KIAA2012: variants seen among roughly 807,000 people sequenced by gnomAD.
The protein encoded by KIAA2012 is uncharacterized protein KIAA2012.
Under a neutral mutation model 150.6 loss-of-function variants are expected in KIAA2012, and 125 were observed. The observed-to-expected ratio is 0.83, with a 90% CI of 0.72 to 0.96. The LOEUF (loss-of-function observed/expected upper bound fraction) is 0.96, where lower values mean the gene tolerates loss of function less well. Among genes scored for constraint, KIAA2012 ranks in the 40% least tolerant of loss-of-function variants. KIAA2012 has a pLI of 0.00. For missense variants in KIAA2012, 1,219 were observed against 1,354.9 expected (o/e 0.90, Z 1.57); for synonymous variants, 462 against 504.7 (o/e 0.92, Z 1.13).
chr2:202,123,368 GTCTCCAAGGTCCCTAC>G (rs1690702910), intron 11 of KIAA2012, among the ~76,000 whole-genome samples: 1 of 152,144 alleles, frequency 6.6e-6, no homozygotes, highest in South Asian at 2.1e-4. Flanking sequence ...CAGAGTGTCT[GTCTCCAAGGTCCCTAC>G]TCAATAATTA....
rs567250550 is a variant in KIAA2012 at position 202,162,892 on chromosome 2, T to G, written c.2047-2392T>G. Among the ~76,000 whole-genome samples the G allele has an allele frequency of 3.8e-5, 5 of 132,744 alleles. No individual in the cohort carries two copies. The South Asian group carries it at 9.8e-4, about 26-fold the overall frequency. The allele number at this position is 132,744 out of a possible 152,430, so 87.1% of individuals were successfully genotyped here. A position where few individuals can be genotyped will look rare whatever the true frequency, so the allele number is the denominator to read the frequency against. ...TTGCAGTGAGCTGAGATCGCACCACTGCACTCCAGCCTGGCAACAGAGCGA... is the reference window on the plus strand; with the variant it reads ...TTGCAGTGAGCTGAGATCGCACCACGGCACTCCAGCCTGGCAACAGAGCGA... On this transcript the variant is annotated intron_variant, in intron 14 of 23. Coordinates refer to ENST00000498697, the MANE Select transcript of KIAA2012 (RefSeq NM_001277372.4).
At chr2:202,117,465 C>T (rs2105932484) in intron 11 of KIAA2012, among the ~76,000 whole-genome samples, 1 of 152,278 alleles carries the variant, frequency 6.6e-6, no homozygotes, top group African/African-American at 2.4e-5. Flanking sequence ...TAGCCCATCT[C>T]TTAGTAGCTG....
At chr2:202,177,152 CTTA>C (rs769055916) in intron 15 of KIAA2012, among the ~76,000 whole-genome samples, 5 of 151,876 alleles carry the variant, frequency 3.3e-5, no homozygotes, top group African/African-American at 1.2e-4. Flanking sequence ...TCCCAAAAGA[CTTA>C]TTAAGGGTTT....
chr2:202,195,771 A>C (rs143513464), intron 21 of KIAA2012, among the ~76,000 whole-genome samples: 8 of 152,244 alleles, frequency 5.3e-5, no homozygotes, highest in African/African-American at 1.9e-4. Flanking sequence ...ATGAGTAAAA[A>C]TGTGTTATTT....
chr2:202,171,716 G>C (rs1574304956), intron 15 of KIAA2012, among the ~76,000 whole-genome samples: 1 of 152,296 alleles, frequency 6.6e-6, no homozygotes, highest in Non-Finnish European at 1.5e-5. Context: ...ATAGTCCCTG[G>C]GGAGAAGGCA....
chr2:202,078,512 C>A (rs1025377603), intron 2 of KIAA2012, among the ~76,000 whole-genome samples: 2 of 152,122 alleles, frequency 1.3e-5, no homozygotes, highest in Non-Finnish European at 2.9e-5. Context: ...TGGTCTCGAA[C>A]TCCTAGGTTC....
chr2:202,097,326 G>T, intron 4 of KIAA2012, 109 bp from the exon 5 acceptor site: 1 of 1,481,664 alleles, frequency 6.7e-7, no homozygotes, highest in Non-Finnish European at 9.0e-7. Flanking sequence ...GCAAGGGAGG[G>T]CCTTGAGCAC....
intron 14 of KIAA2012, among the ~76,000 whole-genome samples, chr2:202,163,288 G>T (rs1214453169): frequency 6.6e-6 from 1 of 151,608 alleles, no homozygotes; most frequent in Non-Finnish European, 1.5e-5. Context: ...ATTTTTAGTA[G>T]ATACAGGTTT....
At chr2:202,124,088 G>A (rs1313448221) in intron 11 of KIAA2012, among the ~76,000 whole-genome samples, 13 of 152,204 alleles carry the variant, frequency 8.5e-5, no homozygotes, top group Non-Finnish European at 1.8e-4. Context: ...AGCTACTTGG[G>A]AGGCTGAGGT....
intron 9 of KIAA2012, among the ~76,000 whole-genome samples, chr2:202,107,964 A>G (rs986455914): frequency 6.6e-6 from 1 of 152,116 alleles, no homozygotes; most frequent in Non-Finnish European, 1.5e-5. Context: ...AGCCAAGATC[A>G]CGCCACTGTA....
intron 3 of KIAA2012, 123 bp from the exon 4 acceptor site, chr2:202,092,907 G>T: frequency 1.3e-6 from 1 of 759,534 alleles, no homozygotes; most frequent in Non-Finnish European, 2.1e-6. Flanking sequence ...TCTTCTAATT[G>T]TCTTCCCTAA....
chr2:202,076,875 C>T (rs985175894), intron 2 of KIAA2012: 1 of 433,174 alleles, frequency 2.3e-6, no homozygotes, highest in African/African-American at 2.0e-5. Context: ...GCATCACAGG[C>T]AGGTTGACCA....
intron 13 of KIAA2012, among the ~76,000 whole-genome samples, chr2:202,152,231 A>G (rs1388504030): frequency 6.6e-6 from 1 of 152,184 alleles, no homozygotes; most frequent in Non-Finnish European, 1.5e-5. Context: ...ACAGTACTTC[A>G]CATTCCAGTG....
chr2:202,088,477 T>C (rs1278163688), intron 2 of KIAA2012, among the ~76,000 whole-genome samples: 1 of 152,192 alleles, frequency 6.6e-6, no homozygotes, highest in African/African-American at 2.4e-5. Flanking sequence ...GGGCAAGATC[T>C]CAAGATCAAT....
intron 3 of KIAA2012, among the ~76,000 whole-genome samples, chr2:202,091,724 A>G (rs1689729238): frequency 6.6e-6 from 1 of 152,204 alleles, no homozygotes; most frequent in Admixed American, 6.5e-5. Flanking sequence ...TTTATTTGGC[A>G]AGCCTATTTG....
At chr2:202,182,239 G>A (rs1190616325) in intron 15 of KIAA2012, among the ~76,000 whole-genome samples, 1 of 150,736 alleles carries the variant, frequency 6.6e-6, no homozygotes, top group African/African-American at 2.4e-5. Flanking sequence ...AGCCTCCCGA[G>A]TAGCTGGGAT....
chr2:202,099,163 A>T (rs1388651105), intron 5 of KIAA2012, among the ~76,000 whole-genome samples: 1 of 151,592 alleles, frequency 6.6e-6, no homozygotes, highest in Non-Finnish European at 1.5e-5. Flanking sequence ...AATTTTTAAA[A>T]TTTTTTTGTA....
intron 2 of KIAA2012, among the ~76,000 whole-genome samples, chr2:202,078,595 G>A (rs1689377292): frequency 6.6e-6 from 1 of 152,142 alleles, no homozygotes; most frequent in Non-Finnish European, 1.5e-5. Context: ...GGCCTGGAAT[G>A]TATTTTTTTA....
chr2:202,185,927 A>G (rs181739911), intron 16 of KIAA2012, among the ~76,000 whole-genome samples: 3 of 152,318 alleles, frequency 2.0e-5, no homozygotes, highest in African/African-American at 7.2e-5. Flanking sequence ...CATTCAACAA[A>G]TATTTCTCAA....
Sources: allele counts gnomAD v4.1 joint callset (sites outside exome capture counted in the v4.1 genomes callset), GRCh38; gene constraint gnomAD v4.1.1; transcripts MANE v1.5; gene names NCBI Gene and HGNC (gene_info 2026-07-23, HGNC 2026-07-21).